MMP16: variants seen among roughly 807,000 people sequenced by gnomAD.
The protein encoded by MMP16 is matrix metallopeptidase 16, also known as matrix metalloproteinase-16.
A neutral mutation model predicts 67.8 loss-of-function variants in MMP16; 12 were observed. The ratio of observed to expected loss-of-function variants is 0.18; its 90% CI spans 0.11 to 0.29. The LOEUF (loss-of-function observed/expected upper bound fraction) is 0.29. MMP16 is among the 10% of genes least tolerant of loss of function. The probability of loss-of-function intolerance (pLI) is 1.00; values close to 1 mark genes in which losing one functional copy is unlikely to be tolerated. For synonymous variants in MMP16, 249 were observed against 255.9 expected (o/e 0.97, Z 0.26); for missense variants, 475 against 765.7 (o/e 0.62, Z 4.48).
At chr8:88,268,154 C>G (rs1245373879) in intron 1 of MMP16, among the ~76,000 whole-genome samples, 3 of 152,110 alleles carry the variant, frequency 2.0e-5, no homozygotes, top group Admixed American at 6.6e-5. Context: ...ACCAGCCTGA[C>G]CAACATGGAG....
chr8:88,125,714 G>T (rs893287906), intron 4 of MMP16, among the ~76,000 whole-genome samples: 1 of 151,912 alleles, frequency 6.6e-6, no homozygotes, highest in Non-Finnish European at 1.5e-5. Flanking sequence ...ATTGGATATA[G>T]TTAATTGCAC....
chr8:88,134,403 T>G (rs774586884), intron 4 of MMP16, among the ~76,000 whole-genome samples: 6 of 151,802 alleles, frequency 4.0e-5, no homozygotes, highest in Non-Finnish European at 8.8e-5. Context: ...GATATTCAAA[T>G]TTTTATAAAA....
intron 1 of MMP16, among the ~76,000 whole-genome samples, chr8:88,200,724 T>C (rs933236083): frequency 2.0e-5 from 3 of 151,988 alleles, no homozygotes; most frequent in African/African-American, 7.2e-5. Flanking sequence ...TTCATAAATA[T>C]TAGTGACAAA....
chr8:88,143,606 T>G (rs895468967), intron 4 of MMP16, among the ~76,000 whole-genome samples: 2 of 152,022 alleles, frequency 1.3e-5, no homozygotes, highest in African/African-American at 4.8e-5. Flanking sequence ...TGCCACAAAC[T>G]TGCAAAGGAA....
Position 88,070,184 on chromosome 8 carries a change from T to A in MMP16, c.1222+4421A>T, listed in dbSNP as rs888195054. 2.2e-4 allele frequency among the ~76,000 whole-genome samples: 34 copies of A among 152,152 alleles called. 1 individual carries two copies. The highest frequency in any genetic ancestry group is 8.2e-4 in the African/African-American group (34 of 41,444). On this transcript the variant is annotated intron_variant, in intron 7 of 9. Transcript: ENST00000286614. ...GTCTTGTTCCTGATCTTTTGGGGTATGCAAGATACTGTGAATTTTACCTTG... is the reference window on the plus strand; with the variant it reads ...GTCTTGTTCCTGATCTTTTGGGGTAAGCAAGATACTGTGAATTTTACCTTG...
chr8:88,215,862 T>C (rs1365847574), intron 1 of MMP16, among the ~76,000 whole-genome samples: 1 of 152,176 alleles, frequency 6.6e-6, no homozygotes, highest in African/African-American at 2.4e-5. Flanking sequence ...GTATGGCTAA[T>C]AGACATGCCA....
chr8:88,084,374 A>AT, intron 6 of MMP16, among the ~76,000 whole-genome samples: 1 of 152,104 alleles, frequency 6.6e-6, no homozygotes, highest in East Asian at 1.9e-4. Flanking sequence ...TAAGAGAGGA[A>AT]TAACTTAAGA....
At chr8:88,167,641 T>G (rs1474262307) in intron 4 of MMP16, 28 bp downstream of exon 4, 1 of 1,541,944 alleles carries the variant, frequency 6.5e-7, no homozygotes, top group Non-Finnish European at 8.7e-7. Flanking sequence ...ATAGAAATAT[T>G]TACACTGTAA....
intron 1 of MMP16, among the ~76,000 whole-genome samples, chr8:88,278,999 G>A (rs898640161): frequency 3.3e-5 from 5 of 152,056 alleles, no homozygotes; most frequent in South Asian, 2.1e-4. Flanking sequence ...TGAGGCAGGC[G>A]GATCATGAGG....
intron 1 of MMP16, among the ~76,000 whole-genome samples, chr8:88,273,430 T>A (rs777501803): frequency 5.3e-5 from 8 of 152,004 alleles, no homozygotes; most frequent in Non-Finnish European, 8.8e-5. Flanking sequence ...TGGTCCTCAA[T>A]CCTCCGACTT....
intron 1 of MMP16, among the ~76,000 whole-genome samples, chr8:88,256,619 A>G (rs1473612010): frequency 6.6e-6 from 1 of 151,202 alleles, no homozygotes; most frequent in Admixed American, 6.6e-5. Context: ...CCATCTTGCT[A>G]TCTTCCCTTC....
At position 88,271,993 on chromosome 8, in the gene MMP16, A is replaced by G. The variant is rs80002102; in HGVS notation, c.132+55082T>C. ...AGATATTTAAGTTAGCAGTTTGTCC[A>G]TCTATAAAATGGAGACAACACGCAC... On this transcript the variant is annotated intron_variant, in intron 1 of 9. Transcript: ENST00000286614. Among the ~76,000 whole-genome samples, 1,176 of 152,360 alleles carry G rather than the reference A, an allele frequency of 7.7e-3. 11 individuals are homozygous for G. The highest frequency in any genetic ancestry group is 0.012 in the Non-Finnish European group (840 of 68,030).
chr8:88,264,313 C>T (rs550975017), intron 1 of MMP16, among the ~76,000 whole-genome samples: 2 of 152,124 alleles, frequency 1.3e-5, no homozygotes, highest in Non-Finnish European at 2.9e-5. Flanking sequence ...GATCCTTCTG[C>T]CTCAGCCTCC....
intron 3 of MMP16, among the ~76,000 whole-genome samples, chr8:88,170,386 A>C (rs570768711): frequency 4.6e-5 from 7 of 152,326 alleles, no homozygotes; most frequent in African/African-American, 1.4e-4. Context: ...CTAGTCTCTA[A>C]ATTTCTTGTC....
intron 1 of MMP16, among the ~76,000 whole-genome samples, chr8:88,243,583 G>A (rs1294044293): frequency 6.6e-6 from 1 of 152,204 alleles, no homozygotes; most frequent in African/African-American, 2.4e-5. Flanking sequence ...GAATGAGATA[G>A]TAGACGCTTA....
intron 1 of MMP16, among the ~76,000 whole-genome samples, chr8:88,229,427 A>G (rs945513511): frequency 2.6e-4 from 39 of 152,114 alleles, no homozygotes; most frequent in Non-Finnish European, 4.3e-4. Context: ...CAATCTCAAC[A>G]TGGCTACAGA....
At chr8:88,295,994 T>G (rs1022471345) in intron 1 of MMP16, among the ~76,000 whole-genome samples, 19 of 152,088 alleles carry the variant, frequency 1.2e-4, no homozygotes, top group African/African-American at 4.3e-4. Flanking sequence ...TTGAATACAT[T>G]AATAAAAATT....
intron 6 of MMP16, among the ~76,000 whole-genome samples, chr8:88,086,979 C>G (rs941759514): frequency 6.6e-6 from 1 of 151,792 alleles, no homozygotes; most frequent in African/African-American, 2.4e-5. Flanking sequence ...AAAACAGAGA[C>G]AGAGAGAGAT....
chr8:88,049,936 G>A (rs543355747), intron 8 of MMP16, among the ~76,000 whole-genome samples: 20 of 152,202 alleles, frequency 1.3e-4, no homozygotes, highest in Non-Finnish European at 2.4e-4. Context: ...GAGGTGGGAG[G>A]ATCTGTTGAG....
Sources: gnomAD v4.1 joint callset for allele counts (sites outside exome capture counted in the v4.1 genomes callset) on GRCh38, gnomAD v4.1.1 for gene constraint, MANE v1.5 for transcripts, NCBI Gene and HGNC (gene_info 2026-07-23, HGNC 2026-07-21) for gene names.